The following TM7SF2 variants were observed in gnomAD, a reference collection of about 807,000 sequenced individuals.
TM7SF2 encodes the protein delta(14)-sterol reductase TM7SF2.
A neutral mutation model predicts 51.0 loss-of-function variants in TM7SF2; 51 were observed. The ratio of observed to expected loss-of-function variants is 1.00; its 90% CI spans 0.80 to 1.26. The LOEUF is 1.26. TM7SF2 is among the 50% of genes most tolerant of loss of function. The probability of loss-of-function intolerance (pLI) is 0.00; values close to 1 mark genes in which losing one functional copy is unlikely to be tolerated. For synonymous variants in TM7SF2, 255 were observed against 241.0 expected, an observed-to-expected ratio of 1.06 and a Z score of -0.54; for missense variants, 541 against 547.4, an observed-to-expected ratio of 0.99 and a Z score of 0.12.
At chr11:65,112,193 CG>C in intron 1 of TM7SF2, 126 bp downstream of exon 1, 1 of 986,570 alleles carries the variant, frequency 1.0e-6, no homozygotes, top group Non-Finnish European at 1.5e-6. Context: ...CAGAGGGACC[CG>C]GGGGTTTGCA....
Position 65,112,033 on chromosome 11 carries a change from C to G in TM7SF2, c.18C>G (p.Gly6=), listed in dbSNP as rs922990725. ...CGGAGACCATGGCCCCCACTCAGGG[C>G]CCCCGGGCCCCGCTGGAATTCGGAG... MAPTQ[G]PRAPLEFGGP... is the part of the protein sequence containing the mutation. Residue 6 remains glycine, a synonymous_variant, in exon 1 of 10, where the codon GGC becomes GGG. Transcript: ENST00000279263. The G allele has an allele frequency of 1.3e-6, 2 of 1,590,180 alleles. No homozygotes were observed.
At position 65,115,471 on chromosome 11, in the gene TM7SF2, C is replaced by T. The variant is rs1947966792; in HGVS notation, c.974-5C>T. 2.5e-6 allele frequency: 4 copies of T among 1,613,988 alleles called. No individual in the cohort carries two copies. Among genetic ancestry groups the T allele is most frequent in the Non-Finnish European group, 3.4e-6 (4 of 1,180,014 alleles). On this transcript the variant is annotated splice_polypyrimidine_tract_variant and splice_region_variant and intron_variant, in intron 8 of 9. Coordinates refer to ENST00000279263, the MANE Select transcript of TM7SF2 (RefSeq NM_003273.6). Reference sequence around the variant, plus strand: ...GGAACTCTCCACCCTGCTGTCTTTCCCCAGGGCTTGAGACCATCTCTACAG... The same window carrying T: ...GGAACTCTCCACCCTGCTGTCTTTCTCCAGGGCTTGAGACCATCTCTACAG...
chr11:65,114,738 T>A lies in TM7SF2; in HGVS notation c.629T>A (p.Met210Lys). ...GWVLINLALL[M>K]KEAELRGSPS... The stretch of plus-strand genomic sequence containing the variant: ...GTCCTCATCAACCTGGCCCTGTTGA[T>A]GAAGGAGGCAGAGCTTCGAGGCAGT... The change falls in exon 6 of 10, where the codon ATG becomes AAG. Residue 210 changes from methionine to lysine, a missense_variant. Transcript: ENST00000279263. 6.2e-7 allele frequency: 1 copy of A among 1,614,240 alleles called. No homozygotes were observed. The highest frequency in any genetic ancestry group is 8.5e-7 in the Non-Finnish European group (1 of 1,180,034).
rs528509827 is a variant in TM7SF2 at position 65,113,344 on chromosome 11, C to T, written c.429C>T (p.Ile143=). 1.4e-5 allele frequency: 23 copies of T among 1,614,094 alleles called. No individual in the cohort carries two copies. In the African/African-American group the frequency reaches 2.0e-4, roughly 14 times the overall value. The part of the protein sequence containing the change: ...LAFVATLTAF[I]FSLFLYMKAQ... Reference sequence around the variant, plus strand: ...TTGTCGCCACCCTCACCGCTTTCATCTTCAGCCTCTTTCTCTACATGAAGG... The same window carrying T: ...TTGTCGCCACCCTCACCGCTTTCATTTTCAGCCTCTTTCTCTACATGAAGG... Residue 143 remains isoleucine, a synonymous_variant, in exon 4 of 10, where the codon ATC becomes ATT. Transcript: ENST00000279263.
chr11:65,113,120 C>T, intron 3 of TM7SF2, 100 bp from the exon 4 acceptor site: 27 of 1,308,286 alleles, frequency 2.1e-5, no homozygotes, highest in Non-Finnish European at 2.6e-5. Flanking sequence ...ATGCTTGGGG[C>T]AGGGTCTGTG....
chr11:65,113,594 G>C lies in TM7SF2; in HGVS notation c.603G>C (p.Trp201Cys). ...FCELRPGLIG[W>C]VLINLALLMK... ...AACTGCGACCCGGCCTCATCGGCTG[G>C]GTATGTTGGGCTTGACTGAGCTGGC... The change falls in exon 5 of 10, where the codon TGG becomes TGC. Residue 201 changes from tryptophan (W) to cysteine (C), a missense_variant and splice_region_variant. Physicochemically the swap from Trp to Cys is radical, Grantham distance 215. Coordinates refer to ENST00000279263, the MANE Select transcript of TM7SF2 (RefSeq NM_003273.6). 1.2e-6 allele frequency: 2 copies of C among 1,613,768 alleles called. No homozygotes were observed. The highest frequency in any genetic ancestry group is 1.7e-6 in the Non-Finnish European group (2 of 1,179,884).
Position 65,115,860 on chromosome 11 carries a change from G to A in TM7SF2, c.1097-33G>A, listed in dbSNP as rs534168939. 49 of 1,613,712 alleles carry A rather than the reference G, an allele frequency of 3.0e-5. 1 individual carries two copies. In the South Asian group the frequency reaches 4.3e-4, roughly 14 times the overall value. ...TTGTGAACTGCGGGGTGGAGGGGCC[G>A]GCAGGGTGGTCACAGAGCCTCCTTC... On this transcript the variant is annotated intron_variant, in intron 9 of 9. Coordinates refer to ENST00000279263, the MANE Select transcript of TM7SF2 (RefSeq NM_003273.6).
intron 5 of TM7SF2, 173 bp from the exon 6 acceptor site, chr11:65,114,537 CAAG>C: frequency 1.4e-6 from 1 of 739,280 alleles, no homozygotes; most frequent in Non-Finnish European, 2.2e-6. Flanking sequence ...ACAGACAAGG[CAAG>C]AAGAAACAGG....
At chr11:65,112,347 G>A in intron 1 of TM7SF2, 168 bp from the exon 2 acceptor site, 1 of 797,556 alleles carries the variant, frequency 1.3e-6, no homozygotes, top group Non-Finnish European at 1.9e-6. Context: ...CCTGGGAAGG[G>A]AACTGGGAGG....
Position 65,116,157 on chromosome 11 carries a change from C to A in TM7SF2, c.*104C>A. ...TGGGACTCAAGGGCTTGCACCCCACCCAGCCCTGAGGATGAACAACCTCAG... is the reference window on the plus strand; with the variant it reads ...TGGGACTCAAGGGCTTGCACCCCACACAGCCCTGAGGATGAACAACCTCAG... On this transcript the variant is annotated 3_prime_UTR_variant, in exon 10 of 10. Coordinates refer to ENST00000279263, the MANE Select transcript of TM7SF2 (RefSeq NM_003273.6). 7.0e-7 allele frequency: 1 copy of A among 1,427,904 alleles called. No individual in the cohort carries two copies. The highest frequency in any genetic ancestry group is 2.2e-5 in the Admixed American group (1 of 45,648). 88.5% of individuals were successfully genotyped at this position (1,427,904 alleles called of 1,614,324 possible).
chr11:65,113,180 A>C (rs1264088763), intron 3 of TM7SF2, 40 bp from the exon 4 acceptor site: 1 of 1,518,106 alleles, frequency 6.6e-7, no homozygotes, highest in South Asian at 1.2e-5. Context: ...GGGGATGTGG[A>C]GGCGCGCAGC....
In TM7SF2 at chr11:65,113,602, G is replaced by GAAC. The variant is rs1239696886; in HGVS notation, c.603+8_603+9insAAC. ...CCCGGCCTCATCGGCTGGGTATGTTGGGCTTGACTGAGCTGGCCTCAGGCC... is the reference window on the plus strand; with the variant it reads ...CCCGGCCTCATCGGCTGGGTATGTTGAACGGCTTGACTGAGCTGGCCTCAGGCC... On this transcript the variant is annotated intron_variant, in intron 5 of 9. Coordinates refer to ENST00000279263, the MANE Select transcript of TM7SF2 (RefSeq NM_003273.6). The GAAC allele has an allele frequency of 1.2e-6, 2 of 1,613,128 alleles. No homozygotes were observed. The highest frequency in any genetic ancestry group is 2.7e-5 in the African/African-American group (2 of 74,900).
At chr11:65,112,108 C>G (rs774379434) in intron 1 of TM7SF2, 41 bp downstream of exon 1, 2 of 1,562,884 alleles carry the variant, frequency 1.3e-6, no homozygotes, top group African/African-American at 1.4e-5. Flanking sequence ...AAAGGCTAAG[C>G]GAAGGAGAGC....
At chr11:65,112,997 C>A (rs1198095677) in intron 3 of TM7SF2, 132 bp downstream of exon 3, 5 of 1,192,212 alleles carry the variant, frequency 4.2e-6, no homozygotes, top group Non-Finnish European at 5.9e-6. Flanking sequence ...CCAGGACAGA[C>A]GCCGGGGGCT....
Position 65,114,116 on chromosome 11 carries a change from G to A in TM7SF2, c.603+522G>A, listed in dbSNP as rs567982698. ...GGAAATTATCTTACCCGAGGCAGGA[G>A]TGCCAGGTGCCCACCCTGGGTCTGG... On this transcript the variant is annotated intron_variant, in intron 5 of 9. Transcript: ENST00000279263. Among the ~76,000 whole-genome samples, 4 of 152,320 alleles carry A rather than the reference G, an allele frequency of 2.6e-5. No individual in the cohort carries two copies. The East Asian group carries it at 7.7e-4, about 29-fold the overall frequency.
intron 3 of TM7SF2, 142 bp from the exon 4 acceptor site, chr11:65,113,078 G>T: frequency 5.5e-6 from 6 of 1,091,738 alleles, no homozygotes; most frequent in Non-Finnish European, 1.3e-6. Context: ...CAGTGGCTGG[G>T]GTGATCCTCT....
rs1328264219 is a variant in TM7SF2 at position 65,113,579 on chromosome 11, C to G, written c.588C>G (p.Pro196=). 6.2e-7 allele frequency: 1 copy of G among 1,613,494 alleles called. No homozygotes were observed. The change falls in exon 5 of 10, where the codon CCC becomes CCG. Residue 196 remains proline (P), a synonymous_variant. Coordinates refer to ENST00000279263, the MANE Select transcript of TM7SF2 (RefSeq NM_003273.6). Reference sequence around the variant, plus strand: ...TCAAATATTTCTGTGAACTGCGACCCGGCCTCATCGGCTGGGTATGTTGGG... The same window carrying G: ...TCAAATATTTCTGTGAACTGCGACCGGGCCTCATCGGCTGGGTATGTTGGG... The part of the protein sequence containing the change: ...FDFKYFCELR[P]GLIGWVLINL...
chr11:65,113,628 A>C (rs879012562), intron 5 of TM7SF2, 34 bp downstream of exon 5: 3 of 1,071,104 alleles, frequency 2.8e-6, no homozygotes, highest in East Asian at 3.6e-5. Context: ...GCCTCAGGCC[A>C]GGGGGAGGGT....
intron 9 of TM7SF2, 110 bp from the exon 10 acceptor site, chr11:65,115,783 G>T: frequency 1.3e-6 from 2 of 1,586,816 alleles, no homozygotes; most frequent in Non-Finnish European, 1.7e-6. Flanking sequence ...AGACCCTGGC[G>T]CTTTTGCTGC....
Sources: allele counts gnomAD v4.1 joint callset (sites outside exome capture counted in the v4.1 genomes callset), GRCh38; gene constraint gnomAD v4.1.1; transcripts MANE v1.5; gene names NCBI Gene and HGNC (gene_info 2026-07-23, HGNC 2026-07-21).